The following ZMYND11 variants were observed in gnomAD, a reference collection of about 807,000 sequenced individuals.
The protein encoded by ZMYND11 is zinc finger MYND-type containing 11.
In ZMYND11, 9 loss-of-function variants were observed where a neutral mutation model predicts 84.9. The ratio of observed to expected loss-of-function variants is 0.11; its 90% CI spans 0.06 to 0.18. The LOEUF (loss-of-function observed/expected upper bound fraction) is 0.18. ZMYND11 is among the 10% of genes least tolerant of loss of function. The pLI, the probability that ZMYND11 is intolerant of heterozygous loss-of-function variation, is 1.00. For synonymous variants in ZMYND11, 250 were observed against 244.1 expected, an observed-to-expected ratio of 1.02 and a Z score of -0.23; for missense variants, 409 against 761.0, an observed-to-expected ratio of 0.54 and a Z score of 5.44.
intron 1 of ZMYND11, among the ~76,000 whole-genome samples, chr10:162,748 T>A (rs1843193799): frequency 6.6e-6 from 1 of 152,178 alleles, no homozygotes; most frequent in South Asian, 2.1e-4. Context: ...TTATTTAAGA[T>A]TTTGGCATGG....
Position 249,007 on chromosome 10 carries a change from T to C in ZMYND11, c.1605T>C (p.Cys535=), listed in dbSNP as rs1952784668. The C allele has an allele frequency of 3.7e-6, 6 of 1,614,088 alleles. No homozygotes were observed. Among genetic ancestry groups the C allele is most frequent in the Non-Finnish European group, 5.1e-6 (6 of 1,180,000 alleles). ...DRKCKQVKEK[C]KEEFVEEIKK... ...AATGTAAGCAAGTAAAGGAAAAGTGTAAGGAAGAATTTGTAGAAGAAATCA... is the reference window on the plus strand; with the variant it reads ...AATGTAAGCAAGTAAAGGAAAAGTGCAAGGAAGAATTTGTAGAAGAAATCA... Residue 535 remains cysteine, a synonymous_variant, in exon 14 of 15, where the codon TGT becomes TGC. Coordinates refer to ENST00000381604, the MANE Select transcript of ZMYND11 (RefSeq NM_001370100.5).
chr10:211,996 G>A (rs1170084895), intron 3 of ZMYND11, among the ~76,000 whole-genome samples: 1 of 152,126 alleles, frequency 6.6e-6, no homozygotes, highest in Non-Finnish European at 1.5e-5. Context: ...TTTATAGATA[G>A]TATAGAAGAC....
Position 209,982 on chromosome 10 carries a change from A to G in ZMYND11, c.210A>G (p.Thr70=), listed in dbSNP as rs138135446. 164 of 1,614,140 alleles carry G rather than the reference A, an allele frequency of 1.0e-4. No individual in the cohort carries two copies. The African/African-American group carries it at 1.9e-3, about 18-fold the overall frequency. ...VKDGLIVETL[T]VGCKGSKAGI... ...ATGGTCTTATTGTCGAAACTCTAAC[A>G]GTGGGCTGCAAAGGTTCAAAAGCTG... The change falls in exon 3 of 15, where the codon ACA becomes ACG. Residue 70 remains threonine, a synonymous_variant. Coordinates refer to ENST00000381604, the MANE Select transcript of ZMYND11 (RefSeq NM_001370100.5).
chr10:242,638 T>C (rs908358190), intron 10 of ZMYND11, among the ~76,000 whole-genome samples: 8 of 152,108 alleles, frequency 5.3e-5, no homozygotes, highest in South Asian at 2.1e-4. Context: ...AACACAGATA[T>C]TGAGATAAGG....
At chr10:220,732 GTGAGCATCACCAGTT>G (rs1386922541) in intron 3 of ZMYND11, among the ~76,000 whole-genome samples, 1 of 150,712 alleles carries the variant, frequency 6.6e-6, no homozygotes, top group African/African-American at 2.4e-5. Context: ...GATAAGAATA[GTGAGCATCACCAGTT>G]ATTACTATTC....
Position 162,028 on chromosome 10 carries a change from T to C in ZMYND11, c.-19-17966T>C, listed in dbSNP as rs531432716. 2.0e-5 allele frequency among the ~76,000 whole-genome samples: 3 copies of C among 152,230 alleles called. No homozygotes were observed. The South Asian group carries it at 6.2e-4, about 32-fold the overall frequency. On this transcript the variant is annotated intron_variant, in intron 1 of 14. Transcript: ENST00000381604. ...TTTCGACATGCCTTCCTCACTAAGCTTAATCATTTTTAGTTTTTGACTTAA... is the reference window on the plus strand; with the variant it reads ...TTTCGACATGCCTTCCTCACTAAGCCTAATCATTTTTAGTTTTTGACTTAA...
intron 2 of ZMYND11, among the ~76,000 whole-genome samples, chr10:202,185 T>A (rs1164531218): frequency 6.6e-6 from 1 of 152,198 alleles, no homozygotes; most frequent in Non-Finnish European, 1.5e-5. Context: ...ATCTTAAGCC[T>A]TATCAAATAT....
At chr10:231,958 A>G (rs1322746711) in intron 4 of ZMYND11, among the ~76,000 whole-genome samples, 2 of 152,202 alleles carry the variant, frequency 1.3e-5, no homozygotes, top group Non-Finnish European at 2.9e-5. Context: ...CCACCAGGTG[A>G]TACGAACTCT....
At position 221,459 on chromosome 10, in the gene ZMYND11, G is replaced by A. The variant is rs1947118095; in HGVS notation, c.438+103G>A. 5.2e-6 allele frequency: 6 copies of A among 1,164,088 alleles called. No homozygotes were observed. In the South Asian group the frequency reaches 9.3e-5, roughly 18 times the overall value. The allele number at this position is 1,164,088 out of a possible 1,614,324, so 72.1% of individuals were successfully genotyped here. ...TGGTCTTGCCAGGTGAACGGATAAA[G>A]GACTGGAGGGTGGGGGTTATCTAAT... On this transcript the variant is annotated intron_variant, in intron 4 of 14. Coordinates refer to ENST00000381604, the MANE Select transcript of ZMYND11 (RefSeq NM_001370100.5).
chr10:209,793 T>A (rs1294097371), intron 2 of ZMYND11, 96 bp from the exon 3 acceptor site: 1 of 1,229,082 alleles, frequency 8.1e-7, no homozygotes. Flanking sequence ...TAAATACAAG[T>A]CATAATGAAA....
chr10:195,648 G>T (rs1443881655), intron 2 of ZMYND11, among the ~76,000 whole-genome samples: 2 of 152,130 alleles, frequency 1.3e-5, no homozygotes, highest in African/African-American at 4.8e-5. Flanking sequence ...TAAGGGATAG[G>T]CATACATAGG....
At chr10:247,861 A>G (rs1315653780) in intron 12 of ZMYND11, among the ~76,000 whole-genome samples, 1 of 152,242 alleles carries the variant, frequency 6.6e-6, no homozygotes, top group Non-Finnish European at 1.5e-5. Context: ...GGTTGAGCTC[A>G]GCCGTTTTAA....
In ZMYND11 at chr10:207,859, A is replaced by ATAAAG. The variant is rs1283575321; in HGVS notation, c.117-2029_117-2025dup. ...GCCAAGTCAATCCTAAGCCAAAAGA[A>ATAAAG]TAAAGCCAGAGGCATCACGCTACCT... is the stretch of plus-strand genomic sequence containing the variant. On this transcript the variant is annotated intron_variant, in intron 2 of 14. Coordinates refer to ENST00000381604, the MANE Select transcript of ZMYND11 (RefSeq NM_001370100.5). Among the ~76,000 whole-genome samples the ATAAAG allele has an allele frequency of 1.3e-5, 2 of 152,244 alleles. 1 individual carries two copies. The highest frequency in any genetic ancestry group is 3.8e-4 in the East Asian group (2 of 5,196).
chr10:134,026 G>A (rs1031364440), upstream of ZMYND11, among the ~76,000 whole-genome samples: 54 of 152,090 alleles, frequency 3.6e-4, no homozygotes, highest in Non-Finnish European at 2.8e-4. Flanking sequence ...TCCTACAACC[G>A]TCTCTTCCTA....
intron 14 of ZMYND11, among the ~76,000 whole-genome samples, chr10:251,541 A>G (rs1953501158): frequency 6.6e-6 from 1 of 152,146 alleles, no homozygotes; most frequent in Admixed American, 6.5e-5. Context: ...GAACTTTCAT[A>G]TTTATACTGA....
chr10:145,228 A>G (rs200568281), intron 1 of ZMYND11, among the ~76,000 whole-genome samples: 55 of 87,198 alleles, frequency 6.3e-4, no homozygotes, highest in Non-Finnish European at 1.2e-3. Flanking sequence ...ATATGTGTGT[A>G]TATATATGTG....
At chr10:136,448 G>C (rs782474195) in intron 1 of ZMYND11, among the ~76,000 whole-genome samples, 4 of 152,116 alleles carry the variant, frequency 2.6e-5, no homozygotes, top group Non-Finnish European at 5.9e-5. Flanking sequence ...ATTATATATG[G>C]TGTGTACTCT....
At chr10:243,205 T>C (rs894258708) in intron 10 of ZMYND11, among the ~76,000 whole-genome samples, 3 of 152,176 alleles carry the variant, frequency 2.0e-5, no homozygotes, top group African/African-American at 7.2e-5. Context: ...CATAAGAGTT[T>C]TTGTAAGGTT....
At chr10:137,545 T>C (rs1440829059) in intron 1 of ZMYND11, among the ~76,000 whole-genome samples, 2 of 152,232 alleles carry the variant, frequency 1.3e-5, no homozygotes, top group Non-Finnish European at 2.9e-5. Flanking sequence ...CACAACGTTT[T>C]CAGATTTTTG....
Sources: gnomAD v4.1 joint callset for allele counts (sites outside exome capture counted in the v4.1 genomes callset) on GRCh38, gnomAD v4.1.1 for gene constraint, MANE v1.5 for transcripts, NCBI Gene and HGNC (gene_info 2026-07-23, HGNC 2026-07-21) for gene names.